Variants in BMPR1B observed in about 807,000 individuals in gnomAD.
BMPR1B encodes bone morphogenetic protein receptor type-1B.
A neutral mutation model predicts 59.1 loss-of-function variants in BMPR1B; 12 were observed. The ratio of observed to expected loss-of-function variants is 0.20; its 90% CI spans 0.13 to 0.33. The LOEUF is 0.33. Ranked by LOEUF, BMPR1B falls within the 10% of genes least tolerant of loss-of-function variation. BMPR1B has a pLI of 1.00. For synonymous variants in BMPR1B, 237 were observed against 207.3 expected (o/e 1.14, Z -1.23); for missense variants, 550 against 610.9 (o/e 0.90, Z 1.05).
chr4:94,784,758 A>G (rs1001998031), intron 1 of BMPR1B, among the ~76,000 whole-genome samples: 1 of 152,036 alleles, frequency 6.6e-6, no homozygotes, highest in Admixed American at 6.6e-5. Flanking sequence ...TGCTTGTCCT[A>G]CTTCCTTTTT....
At chr4:94,774,175 C>T (rs1223117273) in intron 1 of BMPR1B, among the ~76,000 whole-genome samples, 2 of 152,010 alleles carry the variant, frequency 1.3e-5, no homozygotes, top group Non-Finnish European at 2.9e-5. Flanking sequence ...TATGACACGT[C>T]AGTATTTGCT....
At position 95,155,510 on chromosome 4, in the gene BMPR1B, T is replaced by C. The variant is rs1735360341; in HGVS notation, c.*837T>C. 7.9e-6 allele frequency: 1 copy of C among 126,830 alleles called. No homozygotes were observed. 7.9% of individuals were successfully genotyped at this position (126,830 alleles called of 1,614,324 possible). On this transcript the variant is annotated 3_prime_UTR_variant, in exon 13 of 13. Coordinates refer to ENST00000515059, the MANE Select transcript of BMPR1B (RefSeq NM_001203.3). ...TTTTTTTTTTTTTTTTTTTTTTTAA[T>C]GTGCAGAGGATTGACCTGTGCATGC...
intron 3 of BMPR1B, chr4:95,103,525 T>C (rs1447692072): frequency 5.1e-6 from 5 of 975,784 alleles, no homozygotes; most frequent in Non-Finnish European, 6.1e-6. Context: ...TAGGTAATAA[T>C]TAATGCATGC....
chr4:94,952,200 A>G (rs1436278160), intron 2 of BMPR1B, among the ~76,000 whole-genome samples: 1 of 152,034 alleles, frequency 6.6e-6, no homozygotes, highest in East Asian at 1.9e-4. Context: ...TAATCTTTTC[A>G]AAACACCAGC....
chr4:94,880,050 T>A (rs879807859), intron 2 of BMPR1B, among the ~76,000 whole-genome samples: 31 of 148,242 alleles, frequency 2.1e-4, no homozygotes, highest in South Asian at 6.6e-4. Flanking sequence ...AAAATGACAA[T>A]ACAAATTATT....
At chr4:94,829,875 C>G (rs1396232361) in intron 1 of BMPR1B, among the ~76,000 whole-genome samples, 1 of 152,132 alleles carries the variant, frequency 6.6e-6, no homozygotes, top group Non-Finnish European at 1.5e-5. Flanking sequence ...ATTTGTAACG[C>G]ATTTCTAAAT....
chr4:94,866,866 G>A (rs1234172199), intron 1 of BMPR1B, among the ~76,000 whole-genome samples: 2 of 152,194 alleles, frequency 1.3e-5, no homozygotes, highest in Non-Finnish European at 2.9e-5. Context: ...ACAGGCGTGA[G>A]CCACTGTGTC....
intron 2 of BMPR1B, among the ~76,000 whole-genome samples, chr4:94,970,083 A>G (rs1403201046): frequency 6.6e-6 from 1 of 152,122 alleles, no homozygotes; most frequent in Non-Finnish European, 1.5e-5. Flanking sequence ...TTTGTTATAT[A>G]TCTTGTTTTA....
intron 1 of BMPR1B, among the ~76,000 whole-genome samples, chr4:94,837,390 G>T (rs1432760579): frequency 7.3e-6 from 1 of 137,224 alleles, no homozygotes; most frequent in Non-Finnish European, 1.6e-5. Context: ...TCCTACCCAT[G>T]AGAATGGAAT....
chr4:95,035,303 T>G (rs926581917), intron 3 of BMPR1B, among the ~76,000 whole-genome samples: 1 of 152,194 alleles, frequency 6.6e-6, no homozygotes, highest in East Asian at 1.9e-4. Context: ...TGTATTTATC[T>G]TTGTTTTTGT....
chr4:94,861,973 A>G (rs891075545), intron 1 of BMPR1B, among the ~76,000 whole-genome samples: 2 of 152,072 alleles, frequency 1.3e-5, no homozygotes, highest in Admixed American at 6.6e-5. Flanking sequence ...TGCTTATTTG[A>G]CTTTAGTTGT....
intron 2 of BMPR1B, among the ~76,000 whole-genome samples, chr4:94,928,060 T>C (rs753173204): frequency 2.0e-5 from 3 of 152,066 alleles, no homozygotes; most frequent in Non-Finnish European, 4.4e-5. Flanking sequence ...TGTAGGAATT[T>C]GGTAAAAGTG....
chr4:95,130,138 G>A, intron 9 of BMPR1B, 84 bp downstream of exon 9: 6 of 1,495,916 alleles, frequency 4.0e-6, no homozygotes, highest in Non-Finnish European at 5.5e-6. Flanking sequence ...TAACTCATCT[G>A]TCTAGACCCG....
rs187614949 is a variant in BMPR1B at position 94,948,266 on chromosome 4, A to G, written c.-112-47774A>G. Among the ~76,000 whole-genome samples, 10 of 152,320 alleles carry G rather than the reference A, an allele frequency of 6.6e-5. No individual in the cohort carries two copies. In the East Asian group the frequency reaches 1.4e-3, roughly 21 times the overall value. Reference sequence around the variant, plus strand: ...ATCCATACCAGGTGGTAAATTCTACAGTAATGCACCAGAATCCCTTTGAGA... The same window carrying G: ...ATCCATACCAGGTGGTAAATTCTACGGTAATGCACCAGAATCCCTTTGAGA... On this transcript the variant is annotated intron_variant, in intron 2 of 12. Transcript: ENST00000515059.
At chr4:94,831,446 G>T (rs938372190) in intron 1 of BMPR1B, among the ~76,000 whole-genome samples, 2 of 152,098 alleles carry the variant, frequency 1.3e-5, no homozygotes, top group African/African-American at 4.8e-5. Flanking sequence ...TTAAACCTAA[G>T]TATACAATGT....
chr4:94,802,535 G>A (rs976595045), intron 1 of BMPR1B, among the ~76,000 whole-genome samples: 1 of 152,124 alleles, frequency 6.6e-6, no homozygotes, highest in African/African-American at 2.4e-5. Context: ...GAACTTTAAG[G>A]GATGGTAGAG....
chr4:95,145,558 A>C (rs1468023028), intron 10 of BMPR1B, among the ~76,000 whole-genome samples: 4 of 152,224 alleles, frequency 2.6e-5, no homozygotes, highest in African/African-American at 9.6e-5. Context: ...CCAGTGTTAA[A>C]TCACATTTAT....
intron 1 of BMPR1B, among the ~76,000 whole-genome samples, chr4:94,849,937 G>A (rs572114018): frequency 6.6e-6 from 1 of 152,164 alleles, no homozygotes; most frequent in East Asian, 1.9e-4. Flanking sequence ...CCTGTGCTAG[G>A]ATCTACTGTA....
At chr4:94,811,923 A>G (rs1300203775) in intron 1 of BMPR1B, among the ~76,000 whole-genome samples, 1 of 152,194 alleles carries the variant, frequency 6.6e-6, no homozygotes, top group Non-Finnish European at 1.5e-5. Context: ...CATAGAATTT[A>G]TAGGTTTTGA....
Sources: gnomAD v4.1 joint callset for allele counts (sites outside exome capture counted in the v4.1 genomes callset) on GRCh38, gnomAD v4.1.1 for gene constraint, MANE v1.5 for transcripts, NCBI Gene and HGNC (gene_info 2026-07-23, HGNC 2026-07-21) for gene names.